The following RXFP2 variants were observed in gnomAD, a reference collection of about 807,000 sequenced individuals.
RXFP2 encodes relaxin family peptide receptor 2, also known as relaxin receptor 2.
Under a neutral mutation model 88.6 loss-of-function variants are expected in RXFP2, and 68 were observed. The ratio of observed to expected loss-of-function variants is 0.77; its 90% CI spans 0.63 to 0.94. The LOEUF (loss-of-function observed/expected upper bound fraction) is 0.94, where lower values mean the gene tolerates loss of function less well. RXFP2 is among the 40% of genes least tolerant of loss of function. RXFP2 has a pLI of 0.00. For missense variants in RXFP2, 791 were observed against 893.9 expected, an observed-to-expected ratio of 0.88 and a Z score of 1.47; for synonymous variants, 329 against 306.8, an observed-to-expected ratio of 1.07 and a Z score of -0.76.
At chr13:31,777,048 C>A (rs1389113907) in intron 7 of RXFP2, among the ~76,000 whole-genome samples, 1 of 152,104 alleles carries the variant, frequency 6.6e-6, no homozygotes, top group Admixed American at 6.6e-5. Flanking sequence ...ATTTATGGAG[C>A]CCAAATGCAT....
intron 1 of RXFP2, among the ~76,000 whole-genome samples, chr13:31,749,364 G>T (rs1871565306): frequency 6.6e-6 from 1 of 152,100 alleles, no homozygotes; most frequent in Non-Finnish European, 1.5e-5. Flanking sequence ...TTGCCATACA[G>T]ATAATGAGTC....
chr13:31,777,327 T>G (rs1424036782), intron 7 of RXFP2, 49 bp from the exon 8 acceptor site: 7 of 1,417,216 alleles, frequency 4.9e-6, no homozygotes, highest in Non-Finnish European at 6.9e-6. Context: ...CAGGTTTTAT[T>G]TCACAAATGT....
chr13:31,785,504 C>G (rs1374810239), intron 11 of RXFP2, among the ~76,000 whole-genome samples: 1 of 151,718 alleles, frequency 6.6e-6, no homozygotes, highest in East Asian at 1.9e-4. Flanking sequence ...ACTCTTTCCT[C>G]TATGTTTTCT....
At chr13:31,790,643 T>C (rs1381338567) in intron 14 of RXFP2, among the ~76,000 whole-genome samples, 1 of 152,180 alleles carries the variant, frequency 6.6e-6, no homozygotes, top group Non-Finnish European at 1.5e-5. Context: ...CCATTTAGCT[T>C]TGGGAACCAG....
intron 1 of RXFP2, among the ~76,000 whole-genome samples, chr13:31,753,892 C>A (rs1363885048): frequency 6.6e-6 from 1 of 151,438 alleles, no homozygotes; most frequent in East Asian, 1.9e-4. Context: ...TTAAGTTAGA[C>A]AATAGAGATG....
intron 5 of RXFP2, among the ~76,000 whole-genome samples, chr13:31,770,802 T>C (rs928026846): frequency 1.3e-5 from 2 of 152,182 alleles, no homozygotes; most frequent in African/African-American, 2.4e-5. Flanking sequence ...ACCCTCCTCA[T>C]GGGCTGGACA....
At chr13:31,795,634 T>C (rs933570470) in intron 16 of RXFP2, among the ~76,000 whole-genome samples, 1 of 152,248 alleles carries the variant, frequency 6.6e-6, no homozygotes, top group Non-Finnish European at 1.5e-5. Context: ...TACGAAATGA[T>C]TTGGATAAAA....
At chr13:31,791,306 A>C (rs1049020255) in intron 14 of RXFP2, among the ~76,000 whole-genome samples, 2 of 152,146 alleles carry the variant, frequency 1.3e-5, no homozygotes, top group Non-Finnish European at 2.9e-5. Flanking sequence ...TCCTAGTGTC[A>C]GAGGTCCTCC....
intron 2 of RXFP2, among the ~76,000 whole-genome samples, chr13:31,759,525 GGAT>G (rs1872197698): frequency 6.6e-6 from 1 of 152,028 alleles, no homozygotes; most frequent in African/African-American, 2.4e-5. Context: ...GACTGAAACA[GGAT>G]GATGTGTTTG....
chr13:31,762,224 A>T (rs1346880948), intron 3 of RXFP2, among the ~76,000 whole-genome samples: 1 of 152,228 alleles, frequency 6.6e-6, no homozygotes, highest in African/African-American at 2.4e-5. Flanking sequence ...AAAAGGGAGG[A>T]ATAATGTTTG....
intron 3 of RXFP2, among the ~76,000 whole-genome samples, chr13:31,762,512 T>C (rs1872347230): frequency 6.6e-6 from 1 of 152,236 alleles, no homozygotes; most frequent in African/African-American, 2.4e-5. Context: ...TGAAGGGTTT[T>C]GGTGTACACC....
At chr13:31,740,545 G>A (rs992540521) in intron 1 of RXFP2, among the ~76,000 whole-genome samples, 20 of 151,822 alleles carry the variant, frequency 1.3e-4, no homozygotes, top group African/African-American at 4.6e-4. Flanking sequence ...TGAGAAATTC[G>A]TTTTAGGTTT....
intron 14 of RXFP2, 112 bp from the exon 15 acceptor site, chr13:31,791,694 A>G: frequency 1.3e-6 from 1 of 764,014 alleles, no homozygotes; most frequent in South Asian, 1.5e-5. Flanking sequence ...ACAAAAATAA[A>G]CAAACCTAGT....
Position 31,765,096 on chromosome 13 carries a change from G to C in RXFP2, c.379G>C (p.Gly127Arg), listed in dbSNP as rs771187088. 1.9e-6 allele frequency: 3 copies of C among 1,611,894 alleles called. No homozygotes were observed. The highest frequency in any genetic ancestry group is 2.5e-6 in the Non-Finnish European group (3 of 1,178,354). Reference protein sequence around the residue: ...CKETELECVNGDLKSVPMISN... With the variant: ...CKETELECVNRDLKSVPMISN... ...AGAAACTGAATTGGAATGTGTAAAT[G>C]GTGACTTAAAGTCTGTGCCGATGAT... The change falls in exon 4 of 18, where the codon GGT becomes CGT. Residue 127 changes from glycine (G) to arginine (R), a missense_variant. Coordinates refer to ENST00000298386, the MANE Select transcript of RXFP2 (RefSeq NM_130806.5).
chr13:31,779,870 A>C (rs1347419646), intron 9 of RXFP2, among the ~76,000 whole-genome samples: 1 of 152,218 alleles, frequency 6.6e-6, no homozygotes, highest in South Asian at 2.1e-4. Context: ...ATTTAAATAT[A>C]TGCTGTCAAA....
chr13:31,739,753 A>C, intron 1 of RXFP2, 47 bp downstream of exon 1: 2 of 1,162,958 alleles, frequency 1.7e-6, no homozygotes, highest in Non-Finnish European at 2.6e-6. Flanking sequence ...TTCCCAAAAA[A>C]TACATTTCTA....
intron 5 of RXFP2, among the ~76,000 whole-genome samples, chr13:31,772,246 A>G (rs1466566597): frequency 6.6e-6 from 1 of 152,186 alleles, no homozygotes; most frequent in African/African-American, 2.4e-5. Context: ...ATTCCTTCTT[A>G]ATCTGGGTTC....
chr13:31,783,702 C>T (rs1296253806), intron 11 of RXFP2, among the ~76,000 whole-genome samples: 1 of 152,218 alleles, frequency 6.6e-6, no homozygotes, highest in Non-Finnish European at 1.5e-5. Flanking sequence ...AAAAGACTTC[C>T]TCCCAGGGCA....
chr13:31,801,099 C>T (rs1033269191), intron 17 of RXFP2, among the ~76,000 whole-genome samples: 2 of 151,858 alleles, frequency 1.3e-5, no homozygotes, highest in African/African-American at 4.8e-5. Flanking sequence ...AGAAATAAGG[C>T]AGGGTCAAGA....
Sources: allele counts gnomAD v4.1 joint callset (sites outside exome capture counted in the v4.1 genomes callset), GRCh38; gene constraint gnomAD v4.1.1; transcripts MANE v1.5; gene names NCBI Gene and HGNC (gene_info 2026-07-23, HGNC 2026-07-21).